The following LYRM4 variants were observed in gnomAD, a reference collection of about 807,000 sequenced individuals.
LYRM4 encodes LYR motif containing 4, also known as LYR motif-containing protein 4.
A neutral mutation model predicts 11.7 loss-of-function variants in LYRM4; 9 were observed. The ratio of observed to expected loss-of-function variants is 0.77; its 90% CI spans 0.46 to 1.34. The LOEUF is 1.34. Among genes scored for constraint, LYRM4 ranks in the 40% most tolerant of loss-of-function variants. The pLI, the probability that LYRM4 is intolerant of heterozygous loss-of-function variation, is 0.00. For missense variants in LYRM4, 133 were observed against 112.5 expected (o/e 1.18, Z -0.82); for synonymous variants, 42 against 40.4 (o/e 1.04, Z -0.15).
At chr6:5,121,939 C>G (rs888183276) in intron 2 of LYRM4, among the ~76,000 whole-genome samples, 1 of 152,202 alleles carries the variant, frequency 6.6e-6, no homozygotes, top group Non-Finnish European at 1.5e-5. Flanking sequence ...GTGTTCACCA[C>G]CTGCTCTGGG....
the LYRM4 span, chr6:5,086,449 G>C: frequency 2.0e-6 from 3 of 1,536,590 alleles, no homozygotes; most frequent in South Asian, 2.4e-5. Context: ...CGACGAGCGC[G>C]GCGTCGCGGT....
chr6:5,259,075 G>T (rs1764814157), intron 1 of LYRM4, among the ~76,000 whole-genome samples: 1 of 141,896 alleles, frequency 7.0e-6, no homozygotes. Context: ...GAGATTGAGA[G>T]ACTTGTCCAA....
intron 2 of LYRM4, among the ~76,000 whole-genome samples, chr6:5,195,160 C>T (rs991027919): frequency 1.3e-5 from 2 of 152,142 alleles, no homozygotes; most frequent in African/African-American, 2.4e-5. Context: ...GCTCACAGGA[C>T]GGCCCTGCAA....
the LYRM4 span, chr6:5,054,191 A>G: frequency 1.7e-4 from 123 of 728,820 alleles, 1 homozygote; most frequent in African/African-American, 2.2e-3. Context: ...TGGGAAAGGA[A>G]GGAAAGACAT....
the LYRM4 span, among the ~76,000 whole-genome samples, chr6:5,077,486 T>C: frequency 6.6e-6 from 1 of 152,190 alleles, no homozygotes; most frequent in Admixed American, 6.5e-5. Context: ...TGGTTTTTTC[T>C]GTTCATCAGT....
the LYRM4 span, chr6:5,087,321 T>G: frequency 6.6e-6 from 1 of 152,230 alleles, no homozygotes; most frequent in Non-Finnish European, 1.5e-5. Context: ...TTAACAATCC[T>G]TAAACAACAG....
the LYRM4 span, chr6:5,066,721 C>T: frequency 1.5e-5 from 12 of 813,606 alleles, no homozygotes; most frequent in South Asian, 4.5e-5. Flanking sequence ...TTTCTCCATA[C>T]GATTTGCGCC....
chr6:5,083,273 T>C, the LYRM4 span, among the ~76,000 whole-genome samples: 2 of 152,268 alleles, frequency 1.3e-5, no homozygotes, highest in Admixed American at 6.5e-5. Flanking sequence ...AAATAGCTTG[T>C]GAATTTTGTA....
downstream of LYRM4, chr6:5,103,022 C>T (rs753564707): frequency 2.0e-5 from 3 of 152,260 alleles, no homozygotes; most frequent in Admixed American, 1.3e-4. Flanking sequence ...GATATCAACA[C>T]GAGAAGCCAT....
chr6:5,110,615 C>A (rs530713185), intron 2 of LYRM4, among the ~76,000 whole-genome samples: 1 of 152,038 alleles, frequency 6.6e-6, no homozygotes, highest in Non-Finnish European at 1.5e-5. Context: ...CTAAGAAGAA[C>A]GAGAAGTAGA....
At chr6:5,235,147 T>C (rs1027712159) in intron 1 of LYRM4, among the ~76,000 whole-genome samples, 1 of 151,736 alleles carries the variant, frequency 6.6e-6, no homozygotes, top group African/African-American at 2.4e-5. Context: ...CACTGTTGAA[T>C]TGTAATTTTT....
In LYRM4 at chr6:5,108,699, G is replaced by T; in HGVS notation, c.*724C>A. On this transcript the variant is annotated 3_prime_UTR_variant, in exon 3 of 3. Transcript: ENST00000330636. ...CTTCAGGGTATGGGAGTCGCCCTGG[G>T]CTTGGGTCAGGCTGGGGCTCTCTCA... 2.4e-6 allele frequency: 2 copies of T among 850,988 alleles called. No individual in the cohort carries two copies. Among genetic ancestry groups the T allele is most frequent in the Non-Finnish European group, 2.8e-6 (2 of 706,792 alleles). 52.7% of individuals were successfully genotyped at this position (850,988 alleles called of 1,614,324 possible). A position where few individuals can be genotyped will look rare whatever the true frequency, so the allele number is the denominator to read the frequency against.
chr6:5,191,316 G>A (rs945956935), intron 2 of LYRM4, among the ~76,000 whole-genome samples: 3 of 152,154 alleles, frequency 2.0e-5, no homozygotes, highest in Non-Finnish European at 1.5e-5. Context: ...CCATGTCAGC[G>A]GTCCAGGCAG....
chr6:5,222,728 TATTAC>T (rs1762651821), intron 1 of LYRM4, among the ~76,000 whole-genome samples: 1 of 144,490 alleles, frequency 6.9e-6, no homozygotes, highest in African/African-American at 2.6e-5. Context: ...ATAGAAGTTA[TATTAC>T]ATTTGCCCAC....
At chr6:5,111,562 G>C (rs189996090) in intron 2 of LYRM4, among the ~76,000 whole-genome samples, 5 of 152,344 alleles carry the variant, frequency 3.3e-5, no homozygotes, top group Admixed American at 2.6e-4. Context: ...TGCTAGACCA[G>C]GGCTGAACCA....
the LYRM4 span, among the ~76,000 whole-genome samples, chr6:5,081,402 C>T: frequency 2.8e-4 from 43 of 152,314 alleles, 1 homozygote; most frequent in East Asian, 8.1e-3. Flanking sequence ...GACCCGAAGT[C>T]CCCATGGGCT....
intron 2 of LYRM4, among the ~76,000 whole-genome samples, chr6:5,115,488 G>A (rs891344632): frequency 2.6e-5 from 4 of 152,122 alleles, no homozygotes; most frequent in Admixed American, 1.3e-4. Flanking sequence ...CCTCTGCTGC[G>A]TTCCTTACCA....
intron 2 of LYRM4, among the ~76,000 whole-genome samples, chr6:5,191,089 A>T (rs1029985692): frequency 1.3e-5 from 2 of 152,210 alleles, no homozygotes; most frequent in Non-Finnish European, 2.9e-5. Flanking sequence ...TTATGGCAAC[A>T]CTGTAATAGA....
At chr6:5,084,405 G>A in the LYRM4 span, among the ~76,000 whole-genome samples, 4 of 152,166 alleles carry the variant, frequency 2.6e-5, no homozygotes, top group African/African-American at 4.8e-5. Context: ...GGTGGGCGGG[G>A]AGGGTGCTTG....
Sources: allele counts gnomAD v4.1 joint callset (sites outside exome capture counted in the v4.1 genomes callset), GRCh38; gene constraint gnomAD v4.1.1; transcripts MANE v1.5; gene names NCBI Gene and HGNC (gene_info 2026-07-23, HGNC 2026-07-21).